The following ABHD12 variants were observed in gnomAD, a reference collection of about 807,000 sequenced individuals.
ABHD12 encodes abhydrolase domain containing 12, lysophospholipase.
A neutral mutation model predicts 58.3 loss-of-function variants in ABHD12; 43 were observed. The ratio of observed to expected loss-of-function variants is 0.74; its 90% confidence interval spans 0.58 to 0.95. The LOEUF is 0.95. ABHD12 is among the 40% of genes least tolerant of loss of function. The probability of loss-of-function intolerance (pLI) is 0.00; values close to 1 mark genes in which losing one functional copy is unlikely to be tolerated. For missense variants in ABHD12, 539 were observed against 537.2 expected (o/e 1.00, Z -0.03); for synonymous variants, 219 against 211.2 (o/e 1.04, Z -0.32).
At chr20:25,328,290 A>G (rs908020739) in intron 2 of ABHD12, among the ~76,000 whole-genome samples, 1 of 152,144 alleles carries the variant, frequency 6.6e-6, no homozygotes, top group African/African-American at 2.4e-5. Flanking sequence ...AATTCACCAC[A>G]CACTTTGGGA....
intron 1 of ABHD12, among the ~76,000 whole-genome samples, chr20:25,349,612 T>G (rs2089571592): frequency 6.6e-6 from 1 of 152,220 alleles, no homozygotes; most frequent in African/African-American, 2.4e-5. Flanking sequence ...GATGAACTTT[T>G]AAAACATTAT....
intron 2 of ABHD12, among the ~76,000 whole-genome samples, chr20:25,330,253 G>A (rs1043005579): frequency 6.6e-6 from 1 of 152,198 alleles, no homozygotes; most frequent in Non-Finnish European, 1.5e-5. Flanking sequence ...GTGCTTTTCC[G>A]ACTGGCTTAA....
chr20:25,318,293 C>A (rs2089000258), intron 4 of ABHD12, among the ~76,000 whole-genome samples: 1 of 123,996 alleles, frequency 8.1e-6, no homozygotes, highest in Admixed American at 8.9e-5. Flanking sequence ...CCAGCCTGGG[C>A]AACAGAGTGA....
intron 1 of ABHD12, among the ~76,000 whole-genome samples, chr20:25,373,949 G>A (rs1424032512): frequency 6.6e-6 from 1 of 152,082 alleles, no homozygotes; most frequent in Non-Finnish European, 1.5e-5. Flanking sequence ...TTTATTGACA[G>A]GGTCTCACTC....
intron 1 of ABHD12, among the ~76,000 whole-genome samples, chr20:25,385,884 G>A (rs770898884): frequency 6.6e-6 from 1 of 151,996 alleles, no homozygotes; most frequent in East Asian, 1.9e-4. Flanking sequence ...GGATCACGAG[G>A]TCAGGAGATT....
chr20:25,383,590 G>A (rs2090047665), intron 1 of ABHD12, among the ~76,000 whole-genome samples: 1 of 152,186 alleles, frequency 6.6e-6, no homozygotes, highest in South Asian at 2.1e-4. Flanking sequence ...GGAAGCCGAG[G>A]CAGGCGGATC....
chr20:25,361,381 TAA>T (rs199579111), intron 1 of ABHD12, among the ~76,000 whole-genome samples: 2,092 of 152,312 alleles, frequency 0.014, 44 homozygotes, highest in African/African-American at 0.041. Context: ...ATTTTCTTGA[TAA>T]ACAGTCTATG....
intron 1 of ABHD12, among the ~76,000 whole-genome samples, chr20:25,386,779 G>A (rs2090096859): frequency 6.6e-6 from 1 of 152,014 alleles, no homozygotes. Context: ...TACCCGGGAG[G>A]CTGAGGCCAG....
chr20:25,348,778 C>G (rs2089555534), intron 1 of ABHD12, among the ~76,000 whole-genome samples: 3 of 152,138 alleles, frequency 2.0e-5, no homozygotes, highest in Non-Finnish European at 4.4e-5. Flanking sequence ...AGCATTTCCC[C>G]CTAAATTCTA....
intron 4 of ABHD12, among the ~76,000 whole-genome samples, chr20:25,317,364 C>T (rs1003678602): frequency 2.0e-5 from 3 of 152,202 alleles, no homozygotes; most frequent in Non-Finnish European, 4.4e-5. Flanking sequence ...CACAGCAAGG[C>T]CTCATCCACC....
At chr20:25,338,804 C>G in intron 2 of ABHD12, 10 of 1,002,140 alleles carry the variant, frequency 1.0e-5, no homozygotes, top group Non-Finnish European at 1.2e-5. Context: ...GGCAGCTAGG[C>G]TCCTGGAATG....
Position 25,300,461 on chromosome 20 carries a change from G to A in ABHD12, c.*384C>T. 2 of 1,217,748 alleles carry A rather than the reference G, an allele frequency of 1.6e-6. No individual in the cohort carries two copies. Among genetic ancestry groups the A allele is most frequent in the South Asian group, 3.5e-5 (2 of 57,166 alleles). The allele number at this position is 1,217,748 out of a possible 1,614,324, so 75.4% of individuals were successfully genotyped here. ...AAAGAACCTGGACCCCACGTTCTCT[G>A]TGGGTGGTGCCAAAAAGCTCAGCAT... On this transcript the variant is annotated 3_prime_UTR_variant, in exon 13 of 13. Coordinates refer to ENST00000339157, the MANE Select transcript of ABHD12 (RefSeq NM_001042472.3).
intron 1 of ABHD12, among the ~76,000 whole-genome samples, chr20:25,355,340 G>A (rs758379397): frequency 6.6e-6 from 1 of 151,882 alleles, no homozygotes; most frequent in Non-Finnish European, 1.5e-5. Flanking sequence ...AGTTTTAAGG[G>A]CAATATAGAA....
intron 1 of ABHD12, among the ~76,000 whole-genome samples, chr20:25,357,306 C>T (rs6083814): frequency 2.6e-5 from 4 of 152,346 alleles, no homozygotes; most frequent in African/African-American, 9.6e-5. Flanking sequence ...GGCTCTCTCA[C>T]CATGTTGTGT....
chr20:25,331,403 T>C (rs920007614), intron 2 of ABHD12, among the ~76,000 whole-genome samples: 1 of 152,160 alleles, frequency 6.6e-6, no homozygotes, highest in Non-Finnish European at 1.5e-5. Flanking sequence ...CCAGGAGAAC[T>C]TCCCCAATCT....
intron 1 of ABHD12, among the ~76,000 whole-genome samples, chr20:25,375,995 C>T (rs1366822911): frequency 6.6e-6 from 1 of 151,954 alleles, no homozygotes; most frequent in Admixed American, 6.6e-5. Context: ...TGGTGGTGGG[C>T]GCCTGTAGTC....
intron 1 of ABHD12, among the ~76,000 whole-genome samples, chr20:25,381,027 T>C (rs1429673571): frequency 1.3e-5 from 2 of 152,220 alleles, no homozygotes; most frequent in East Asian, 1.9e-4. Flanking sequence ...TCTCCACAGC[T>C]GCTGTCCCGG....
At position 25,322,610 on chromosome 20, in the gene ABHD12, C is replaced by A. The variant is rs2089100499; in HGVS notation, c.422+715G>T. The stretch of plus-strand genomic sequence containing the variant: ...ATGTTGTTTAGGGTGGTCTCGAACT[C>A]CTGATCTCAAGTGATCCACCCGTCT... On this transcript the variant is annotated intron_variant, in intron 3 of 12. Coordinates refer to ENST00000339157, the MANE Select transcript of ABHD12 (RefSeq NM_001042472.3). Among the ~76,000 whole-genome samples the A allele has an allele frequency of 4.6e-5, 7 of 151,486 alleles. No individual in the cohort carries two copies. In the South Asian group the frequency reaches 1.3e-3, roughly 27 times the overall value.
At position 25,317,081 on chromosome 20, in the gene ABHD12, G is replaced by A; in HGVS notation, c.543-3C>T. 6.2e-7 allele frequency: 1 copy of A among 1,611,282 alleles called. No individual in the cohort carries two copies. The highest frequency in any genetic ancestry group is 1.1e-5 in the South Asian group (1 of 90,828). On this transcript the variant is annotated splice_polypyrimidine_tract_variant and splice_region_variant and intron_variant, in intron 4 of 12. Transcript: ENST00000339157. The stretch of plus-strand genomic sequence containing the variant: ...GCTCCACGCGGTGGTCGCCTCCTCT[G>A]GAGAAGAAAACAGGACATGGTGTGA...
Sources: gnomAD v4.1 joint callset for allele counts (sites outside exome capture counted in the v4.1 genomes callset) on GRCh38, gnomAD v4.1.1 for gene constraint, MANE v1.5 for transcripts, NCBI Gene and HGNC (gene_info 2026-07-23, HGNC 2026-07-21) for gene names.